The following SLC26A8 variants were observed in gnomAD, a reference collection of about 807,000 sequenced individuals.
SLC26A8 encodes the protein solute carrier family 26 member 8, also known as testis anion transporter 1.
Under a neutral mutation model 105.0 loss-of-function variants are expected in SLC26A8, and 70 were observed. That is an observed-to-expected ratio of 0.67 (90% CI 0.55 to 0.81). The LOEUF is 0.81. SLC26A8 is among the 40% of genes least tolerant of loss of function. The pLI, the probability that SLC26A8 is intolerant of heterozygous loss-of-function variation, is 0.00. For missense variants in SLC26A8, 998 were observed against 1,181.8 expected (o/e 0.84, Z 2.28); for synonymous variants, 415 against 438.3 (o/e 0.95, Z 0.66).
Position 35,943,958 on chromosome 6 carries a change from C to T in SLC26A8, c.2855G>A (p.Arg952Lys), listed in dbSNP as rs767809410. The T allele has an allele frequency of 2.1e-5, 34 of 1,614,194 alleles. No homozygotes were observed. The highest frequency in any genetic ancestry group is 2.9e-5 in the Non-Finnish European group (34 of 1,180,036). The change falls in exon 20 of 20, where the codon AGG becomes AAG. Residue 952 changes from arginine to lysine, a missense_variant. Arg to Lys is a conservative substitution (Grantham distance 26). Transcript: ENST00000490799. ...QTQTRTWSVE[R>K]RRHPMDSYSP... ...GTATGAATCCATAGGATGGCGTCTC[C>T]TCTCCACTGACCATGTCCGAGTCTG... is the stretch of plus-strand genomic sequence containing the variant.
chr6:36,001,034 C>G (rs1290283715), intron 3 of SLC26A8, among the ~76,000 whole-genome samples: 1 of 152,214 alleles, frequency 6.6e-6, no homozygotes, highest in African/African-American at 2.4e-5. Flanking sequence ...ACAATATCAT[C>G]ATTATCCACT....
intron 9 of SLC26A8, among the ~76,000 whole-genome samples, chr6:35,976,803 CA>C (rs1449454352): frequency 6.6e-6 from 1 of 152,042 alleles, no homozygotes; most frequent in Non-Finnish European, 1.5e-5. Context: ...CTTGGCCTCC[CA>C]AAGTGCTGGG....
chr6:35,959,960 G>A, intron 14 of SLC26A8, 154 bp from the exon 15 acceptor site: 1 of 575,306 alleles, frequency 1.7e-6, no homozygotes, highest in Non-Finnish European at 2.9e-6. Context: ...CCAGGCTGGA[G>A]TGCAATGGCG....
intron 19 of SLC26A8, among the ~76,000 whole-genome samples, chr6:35,949,943 C>T (rs1228946474): frequency 9.2e-5 from 14 of 151,746 alleles, no homozygotes; most frequent in African/African-American, 3.4e-4. Context: ...GTAGCTGGGA[C>T]TACAGGCGCG....
chr6:36,013,182 G>A (rs1761908126), intron 2 of SLC26A8, among the ~76,000 whole-genome samples: 1 of 151,796 alleles, frequency 6.6e-6, no homozygotes, highest in African/African-American at 2.4e-5. Context: ...CTGTGTACAT[G>A]TGGCAATGTC....
intron 8 of SLC26A8, among the ~76,000 whole-genome samples, chr6:35,980,872 G>C (rs567668644): frequency 1.3e-5 from 2 of 152,240 alleles, no homozygotes; most frequent in Non-Finnish European, 2.9e-5. Flanking sequence ...AATTAGCCAG[G>C]CGTGGTGGCA....
At chr6:35,992,066 G>T (rs185275438) in intron 6 of SLC26A8, among the ~76,000 whole-genome samples, 5 of 152,282 alleles carry the variant, frequency 3.3e-5, no homozygotes, top group African/African-American at 1.2e-4. Context: ...GGCCCTAGAA[G>T]TTCTGTTTAT....
At chr6:36,002,701 G>C (rs1761558170) in intron 3 of SLC26A8, among the ~76,000 whole-genome samples, 1 of 140,984 alleles carries the variant, frequency 7.1e-6, no homozygotes, top group Non-Finnish European at 1.5e-5. Context: ...TTTGTGATTT[G>C]CTTTTCAATC....
At chr6:35,967,538 C>T (rs1394449639) in intron 11 of SLC26A8, among the ~76,000 whole-genome samples, 1 of 152,184 alleles carries the variant, frequency 6.6e-6, no homozygotes, top group Middle Eastern at 3.2e-3. Flanking sequence ...GGAAGAATGA[C>T]ACATTTGTAT....
At chr6:35,972,815 T>A in intron 10 of SLC26A8, among the ~76,000 whole-genome samples, 1 of 152,198 alleles carries the variant, frequency 6.6e-6, no homozygotes, top group Admixed American at 6.5e-5. Context: ...GGTTGGAAAT[T>A]CAATCGTCTG....
At chr6:35,961,965 C>A (rs576596324) in intron 12 of SLC26A8, among the ~76,000 whole-genome samples, 1 of 152,204 alleles carries the variant, frequency 6.6e-6, no homozygotes, top group Non-Finnish European at 1.5e-5. Flanking sequence ...CAGTGGCTCA[C>A]GCCTGTAATC....
At chr6:35,975,741 C>T (rs1482821074) in intron 9 of SLC26A8, among the ~76,000 whole-genome samples, 4 of 151,662 alleles carry the variant, frequency 2.6e-5, no homozygotes, top group Admixed American at 2.6e-4. Flanking sequence ...TGGAGAAACC[C>T]TGTCTCTACT....
chr6:36,023,638 A>G (rs747121627), intron 1 of SLC26A8, among the ~76,000 whole-genome samples: 2 of 152,126 alleles, frequency 1.3e-5, no homozygotes, highest in Non-Finnish European at 1.5e-5. Flanking sequence ...AAATCTTGAA[A>G]GCTAGTTTAG....
At chr6:35,990,857 T>C (rs1761123029) in intron 7 of SLC26A8, among the ~76,000 whole-genome samples, 1 of 152,124 alleles carries the variant, frequency 6.6e-6, no homozygotes. Context: ...AACTTCCTTA[T>C]GTTTTTCAAA....
chr6:35,990,384 T>C (rs906923826), intron 7 of SLC26A8: 30 of 216,188 alleles, frequency 1.4e-4, no homozygotes, highest in Non-Finnish European at 1.1e-4. Context: ...GAACATCATA[T>C]GTTCCCTTTG....
Position 35,960,877 on chromosome 6 carries a change from G to C in SLC26A8, c.1604C>G (p.Thr535Ser). The C allele has an allele frequency of 1.9e-6, 3 of 1,614,172 alleles. No individual in the cohort carries two copies. The highest frequency in any genetic ancestry group is 2.5e-6 in the Non-Finnish European group (3 of 1,180,042). The change falls in exon 14 of 20, where the codon ACC (threonine) becomes AGC (serine). Residue 535 changes from threonine to serine, a missense_variant. Thr to Ser is a moderately conservative substitution (Grantham distance 58). Coordinates refer to ENST00000490799, the MANE Select transcript of SLC26A8 (RefSeq NM_052961.4). The stretch of plus-strand genomic sequence containing the variant: ...ATCATTGATGCTTCTATAAATGTTG[G>C]TGTTAGGGATTTGACCCAGGAGAAG... ...KILLLGQIPN[T>S]NIYRSINDYR...
chr6:35,950,737 C>T (rs1179849568), intron 19 of SLC26A8, among the ~76,000 whole-genome samples: 1 of 152,124 alleles, frequency 6.6e-6, no homozygotes, highest in Non-Finnish European at 1.5e-5. Context: ...TCTGCTAGTT[C>T]ATTAGTATTA....
intron 7 of SLC26A8, among the ~76,000 whole-genome samples, chr6:35,986,024 C>CTTTTTTTTTT (rs34715373): frequency 1.4e-5 from 1 of 71,320 alleles, no homozygotes; most frequent in African/African-American, 5.4e-5. Context: ...ACATATACAT[C>CTTTTTTTTTT]TTTTTTTTTT....
chr6:35,950,324 C>T (rs1771823282), intron 19 of SLC26A8, among the ~76,000 whole-genome samples: 1 of 150,886 alleles, frequency 6.6e-6, no homozygotes. Flanking sequence ...GAGTCTCACT[C>T]TGTCGCCCAG....
Sources: allele counts gnomAD v4.1 joint callset (sites outside exome capture counted in the v4.1 genomes callset), GRCh38; gene constraint gnomAD v4.1.1; transcripts MANE v1.5; gene names NCBI Gene and HGNC (gene_info 2026-07-23, HGNC 2026-07-21).